Variants in PXDNL observed in about 807,000 individuals in gnomAD.
PXDNL encodes the protein peroxidasin like.
A neutral mutation model predicts 150.8 loss-of-function variants in PXDNL; 145 were observed. The ratio of observed to expected loss-of-function variants is 0.96; its 90% CI spans 0.84 to 1.10. PXDNL has a LOEUF of 1.10. Among genes scored for constraint, PXDNL ranks in the 50% least tolerant of loss-of-function variants. The probability of loss-of-function intolerance (pLI) is 0.00; values close to 1 mark genes in which losing one functional copy is unlikely to be tolerated. For missense variants in PXDNL, 2,087 were observed against 1,873.9 expected, an observed-to-expected ratio of 1.11 and a Z score of -2.10; for synonymous variants, 757 against 725.7, an observed-to-expected ratio of 1.04 and a Z score of -0.69.
At chr8:51,652,245 G>A (rs1026578871) in intron 2 of PXDNL, among the ~76,000 whole-genome samples, 1 of 152,080 alleles carries the variant, frequency 6.6e-6, no homozygotes, top group Non-Finnish European at 1.5e-5. Context: ...TTTAAAAAAT[G>A]TGTCCTTATT....
chr8:51,710,599 C>T (rs1051579508), intron 1 of PXDNL, among the ~76,000 whole-genome samples: 2 of 152,196 alleles, frequency 1.3e-5, no homozygotes, highest in African/African-American at 2.4e-5. Context: ...ACATACTCCA[C>T]CTCCCTTAGG....
rs114955270 is a variant in PXDNL, at chr8:51,776,029, G to C, written c.164+33152C>G. On this transcript the variant is annotated intron_variant, in intron 1 of 22. Transcript: ENST00000356297. ...ACTTTAGGAACGGCTGTCTTTTACA[G>C]TTGTGTAAGGAACGAAATAAGCCCC... Among the ~76,000 whole-genome samples, 110 of 152,336 alleles carry C rather than the reference G, an allele frequency of 7.2e-4. 1 individual carries two copies. The highest frequency in any genetic ancestry group is 2.5e-3 in the African/African-American group (105 of 41,576).
intron 1 of PXDNL, among the ~76,000 whole-genome samples, chr8:51,760,141 G>C (rs10106132): frequency 0.92 from 139,674 of 152,246 alleles, 64,832 homozygotes; most frequent in East Asian, 0.99. Flanking sequence ...AAAACTGATT[G>C]TCTGTCAAGA....
At chr8:51,498,731 C>G (rs1811112719) in intron 5 of PXDNL, among the ~76,000 whole-genome samples, 1 of 152,166 alleles carries the variant, frequency 6.6e-6, no homozygotes, top group South Asian at 2.1e-4. Context: ...CCTGCCATTT[C>G]CAATGGCCTC....
intron 1 of PXDNL, among the ~76,000 whole-genome samples, chr8:51,679,570 A>G (rs1030437773): frequency 7.9e-5 from 12 of 152,348 alleles, no homozygotes; most frequent in Middle Eastern, 6.8e-3. Flanking sequence ...TATTAGTAGT[A>G]GTATGACTTT....
intron 12 of PXDNL, among the ~76,000 whole-genome samples, chr8:51,429,201 G>A (rs1303163439): frequency 2.0e-5 from 3 of 152,168 alleles, no homozygotes; most frequent in Non-Finnish European, 1.5e-5. Context: ...CAAGGATGCA[G>A]GTAAACTGAA....
chr8:51,413,296 G>T, intron 14 of PXDNL, 38 bp from the exon 15 acceptor site: 1 of 1,286,822 alleles, frequency 7.8e-7, no homozygotes, highest in Non-Finnish European at 1.1e-6. Context: ...ATATCAAACA[G>T]ACCTTGAAGT....
Position 51,760,845 on chromosome 8 carries a change from CTTTTTTTTTT to C in PXDNL, c.164+48326_164+48335del, listed in dbSNP as rs71237237. Among the ~76,000 whole-genome samples, 315 of 45,488 alleles carry C rather than the reference CTTTTTTTTTT, an allele frequency of 6.9e-3. 4 individuals carry two copies. The highest frequency in any genetic ancestry group is 0.023 in the Admixed American group (64 of 2,738). The allele number at this position is 45,488 out of a possible 152,430, so 29.8% of individuals were successfully genotyped here. A position where few individuals can be genotyped will look rare whatever the true frequency, so the allele number is the denominator to read the frequency against. The stretch of plus-strand genomic sequence containing the variant: ...GTTAGCCTGAAGGAAATCACTTAAA[CTTTTTTTTTT>C]TTTTTTTTTTTTTTTTTTTTTGAGA... On this transcript the variant is annotated intron_variant, in intron 1 of 22. Transcript: ENST00000356297.
intron 1 of PXDNL, among the ~76,000 whole-genome samples, chr8:51,690,927 T>C (rs1254353228): frequency 6.6e-6 from 1 of 152,188 alleles, no homozygotes; most frequent in African/African-American, 2.4e-5. Context: ...CCAGTGATGA[T>C]GAGCATTTTT....
rs1351665244 is a variant in PXDNL, at chr8:51,408,942, G to T, written c.2682C>A (p.Ile894=). Residue 894 remains isoleucine, a synonymous_variant, in exon 17 of 23, where the codon ATC becomes ATA. Transcript: ENST00000356297. ...REQINQQTAY[I]DGSNVYGSSE... is the part of the protein sequence containing the mutation. ...AGCTCCCGTAAACGTTGGAGCCATC[G>T]ATGTAGGCTGTTTGCTGGTTGATCT... The T allele has an allele frequency of 6.2e-7, 1 of 1,612,818 alleles. No homozygotes were observed. Among genetic ancestry groups the T allele is most frequent in the Non-Finnish European group, 8.5e-7 (1 of 1,179,814 alleles).
At chr8:51,405,648 T>G (rs1808415597) in intron 17 of PXDNL, among the ~76,000 whole-genome samples, 1 of 152,250 alleles carries the variant, frequency 6.6e-6, no homozygotes, top group Non-Finnish European at 1.5e-5. Context: ...TCTACATATT[T>G]GAGAACTGAC....
intron 20 of PXDNL, among the ~76,000 whole-genome samples, chr8:51,342,466 A>G (rs1414153992): frequency 7.9e-5 from 12 of 152,184 alleles, no homozygotes; most frequent in Non-Finnish European, 2.9e-5. Context: ...AATCAGGAAA[A>G]ATGGTTCTTT....
chr8:51,489,639 T>G (rs1380748496), intron 5 of PXDNL, among the ~76,000 whole-genome samples: 3 of 152,154 alleles, frequency 2.0e-5, no homozygotes, highest in African/African-American at 7.2e-5. Context: ...ATCATAAAAT[T>G]TTAAACCTCT....
intron 19 of PXDNL, among the ~76,000 whole-genome samples, chr8:51,364,871 A>G (rs2130763705): frequency 6.6e-6 from 1 of 152,358 alleles, no homozygotes; most frequent in South Asian, 2.1e-4. Context: ...TTAGAAATTT[A>G]TCCCTCATGA....
chr8:51,704,999 C>A (rs1816346232), intron 1 of PXDNL, among the ~76,000 whole-genome samples: 1 of 152,204 alleles, frequency 6.6e-6, no homozygotes. Flanking sequence ...AATGTGAATT[C>A]ATGCCCCAAC....
chr8:51,405,269 G>A (rs764796038), intron 17 of PXDNL, among the ~76,000 whole-genome samples: 1 of 152,242 alleles, frequency 6.6e-6, no homozygotes, highest in Admixed American at 6.5e-5. Context: ...AGCGGCCTGA[G>A]TGGGTACCGA....
At chr8:51,760,861 T>TTTTTTTTTTTTTC (rs2037155985) in intron 1 of PXDNL, among the ~76,000 whole-genome samples, 1 of 101,048 alleles carries the variant, frequency 9.9e-6, no homozygotes, top group African/African-American at 3.4e-5. Flanking sequence ...TTTTTTTTTT[T>TTTTTTTTTTTTTC]TTTTTTTTTT....
intron 1 of PXDNL, among the ~76,000 whole-genome samples, chr8:51,771,455 G>A (rs994834847): frequency 4.6e-5 from 7 of 152,078 alleles, no homozygotes; most frequent in Admixed American, 1.3e-4. Context: ...CATGGCCCGC[G>A]GTGACACGCA....
At chr8:51,608,692 C>A (rs1057495386) in intron 2 of PXDNL, among the ~76,000 whole-genome samples, 1 of 151,212 alleles carries the variant, frequency 6.6e-6, no homozygotes, top group Admixed American at 6.6e-5. Context: ...AAAAAATTAG[C>A]CGGGCGTGGT....
Sources: allele counts gnomAD v4.1 joint callset (sites outside exome capture counted in the v4.1 genomes callset), GRCh38; gene constraint gnomAD v4.1.1; transcripts MANE v1.5; gene names NCBI Gene and HGNC (gene_info 2026-07-23, HGNC 2026-07-21).